SGCZ: variants seen among roughly 807,000 people sequenced by gnomAD.
SGCZ encodes sarcoglycan zeta.
SGCZ carries 40 observed loss-of-function variants against 41.3 expected under a neutral mutation model. The ratio of observed to expected loss-of-function variants is 0.97; its 90% CI spans 0.75 to 1.26. The LOEUF is 1.26. SGCZ is among the 50% of genes most tolerant of loss of function. The pLI is 0.00. For synonymous variants in SGCZ, 206 were observed against 137.5 expected (o/e 1.50, Z -3.49); for missense variants, 552 against 369.8 (o/e 1.49, Z -4.04).
At chr8:14,673,415 G>A (rs1456024139) in intron 1 of SGCZ, among the ~76,000 whole-genome samples, 1 of 150,992 alleles carries the variant, frequency 6.6e-6, no homozygotes, top group Non-Finnish European at 1.5e-5. Context: ...TCTCTCTCGC[G>A]CTCGCGCTGT....
At chr8:15,076,996 GCGTGTCTCAAATAGGGTTT>G (rs1230623571) in intron 1 of SGCZ, among the ~76,000 whole-genome samples, 3 of 152,268 alleles carry the variant, frequency 2.0e-5, no homozygotes, top group South Asian at 2.1e-4. Context: ...CATAATTGCA[GCGTGTCTCAAATAGGGTTT>G]TAAGTTACGA....
intron 1 of SGCZ, among the ~76,000 whole-genome samples, chr8:14,961,099 T>C (rs186932915): frequency 3.9e-5 from 6 of 152,184 alleles, no homozygotes; most frequent in Non-Finnish European, 5.9e-5. Flanking sequence ...TGTGAATCAA[T>C]GCATCAGTGG....
At chr8:14,292,227 G>C (rs577571235) in intron 3 of SGCZ, among the ~76,000 whole-genome samples, 127 of 152,032 alleles carry the variant, frequency 8.4e-4, no homozygotes, top group African/African-American at 2.9e-3. Flanking sequence ...CTTCAAACAA[G>C]AAAATGAACA....
chr8:14,097,937 T>C (rs965600551), intron 7 of SGCZ, among the ~76,000 whole-genome samples: 1 of 152,072 alleles, frequency 6.6e-6, no homozygotes, highest in East Asian at 1.9e-4. Context: ...GACTCTCCCA[T>C]TGCAGTTTTT....
chr8:14,835,359 A>C (rs1187056404), intron 1 of SGCZ, among the ~76,000 whole-genome samples: 2 of 152,248 alleles, frequency 1.3e-5, no homozygotes, highest in African/African-American at 4.8e-5. Flanking sequence ...ACCATTAACC[A>C]AAATGATGAC....
intron 1 of SGCZ, among the ~76,000 whole-genome samples, chr8:14,593,350 G>A (rs2117290695): frequency 6.6e-6 from 1 of 152,202 alleles, no homozygotes; most frequent in South Asian, 2.1e-4. Context: ...AGCTGAAAAA[G>A]GACATGGATT....
At chr8:14,980,289 G>C (rs1801618788) in intron 1 of SGCZ, among the ~76,000 whole-genome samples, 1 of 152,208 alleles carries the variant, frequency 6.6e-6, no homozygotes, top group African/African-American at 2.4e-5. Flanking sequence ...AGACGGTCCA[G>C]AGGAAGGCAG....
At chr8:14,586,310 C>T (rs1001011061) in intron 1 of SGCZ, among the ~76,000 whole-genome samples, 1 of 152,004 alleles carries the variant, frequency 6.6e-6, no homozygotes, top group Non-Finnish European at 1.5e-5. Flanking sequence ...ACCTCCTGGG[C>T]TCAAGTGATT....
At chr8:14,136,958 G>T (rs1186062432) in intron 5 of SGCZ, among the ~76,000 whole-genome samples, 17 of 152,188 alleles carry the variant, frequency 1.1e-4, no homozygotes, top group Non-Finnish European at 7.3e-5. Context: ...ACAGAGGAAG[G>T]ATTAGGCAGC....
At chr8:14,295,072 A>C (rs1800965323) in intron 3 of SGCZ, among the ~76,000 whole-genome samples, 1 of 152,174 alleles carries the variant, frequency 6.6e-6, no homozygotes, top group African/African-American at 2.4e-5. Context: ...TCTGTAGAAT[A>C]AATATCCTGG....
intron 1 of SGCZ, among the ~76,000 whole-genome samples, chr8:15,234,551 C>A (rs543181944): frequency 6.6e-6 from 1 of 151,706 alleles, no homozygotes; most frequent in African/African-American, 2.4e-5. Flanking sequence ...AACATACTTA[C>A]CTTCATTAGC....
intron 1 of SGCZ, among the ~76,000 whole-genome samples, chr8:15,159,700 T>A (rs60071390): frequency 0.037 from 5,383 of 145,856 alleles, 307 homozygotes; most frequent in African/African-American, 0.11. Context: ...AAGGTTTTTT[T>A]ATTTTTTTTG....
intron 1 of SGCZ, among the ~76,000 whole-genome samples, chr8:14,896,991 T>G (rs1018476563): frequency 6.6e-6 from 1 of 150,912 alleles, no homozygotes; most frequent in African/African-American, 2.4e-5. Context: ...ACCACATTGG[T>G]CAGGCTGGTC....
chr8:14,581,449 GT>G (rs983159218), intron 1 of SGCZ, among the ~76,000 whole-genome samples: 1,743 of 144,710 alleles, frequency 0.012, 23 homozygotes, highest in African/African-American at 0.034. Context: ...TTGTTTTTTT[GT>G]TTTTTTTTTT....
chr8:14,994,042 C>T (rs892180792), intron 1 of SGCZ, among the ~76,000 whole-genome samples: 2 of 152,138 alleles, frequency 1.3e-5, no homozygotes, highest in Non-Finnish European at 1.5e-5. Context: ...CGAGTCATGG[C>T]TGTGGAGGTA....
At chr8:14,579,017 C>T (rs1475901268) in intron 1 of SGCZ, among the ~76,000 whole-genome samples, 1 of 152,072 alleles carries the variant, frequency 6.6e-6, no homozygotes, top group Non-Finnish European at 1.5e-5. Context: ...ATTTAATGAT[C>T]TTTGCCTTTA....
chr8:14,511,023 T>C (rs1486043179), intron 2 of SGCZ, among the ~76,000 whole-genome samples: 1 of 152,034 alleles, frequency 6.6e-6, no homozygotes, highest in Non-Finnish European at 1.5e-5. Context: ...ATATTTATTT[T>C]TCTTTTGGAT....
At chr8:15,167,729 T>C (rs559578111) in intron 1 of SGCZ, among the ~76,000 whole-genome samples, 119 of 152,214 alleles carry the variant, frequency 7.8e-4, no homozygotes, top group Non-Finnish European at 1.5e-3. Context: ...CAAACTTATA[T>C]ATTTGTCATT....
chr8:14,876,532 C>A (rs1423269483), intron 1 of SGCZ, among the ~76,000 whole-genome samples: 1 of 152,112 alleles, frequency 6.6e-6, no homozygotes, highest in Non-Finnish European at 1.5e-5. Flanking sequence ...AACTCTGTGA[C>A]TATACTAAAA....
Sources: allele counts gnomAD v4.1 joint callset (sites outside exome capture counted in the v4.1 genomes callset), GRCh38; gene constraint gnomAD v4.1.1; transcripts MANE v1.5; gene names NCBI Gene and HGNC (gene_info 2026-07-23, HGNC 2026-07-21).